The following ELOC variants were observed in gnomAD, a reference collection of about 807,000 sequenced individuals.
ELOC encodes the protein elongin-C.
For synonymous variants in ELOC, 40 were observed against 51.3 expected, an observed-to-expected ratio of 0.78 and a Z score of 0.94; for missense variants, 38 against 139.0, an observed-to-expected ratio of 0.27 and a Z score of 3.65.
At chr8:73,971,032 C>CAAAAAAAAAAAAAA (rs67188912) in intron 1 of ELOC, among the ~76,000 whole-genome samples, 18 of 61,986 alleles carry the variant, frequency 2.9e-4, no homozygotes, top group Non-Finnish European at 4.2e-4. Context: ...GACTCCGTCT[C>CAAAAAAAAAAAAAA]AAAAAAAAAA....
intron 1 of ELOC, among the ~76,000 whole-genome samples, chr8:73,963,523 C>A (rs1430811988): frequency 6.6e-6 from 1 of 152,114 alleles, no homozygotes. Flanking sequence ...TTTTGCATCC[C>A]GTCATTTTTT....
intron 1 of ELOC, among the ~76,000 whole-genome samples, chr8:73,963,668 A>G (rs1814760209): frequency 6.6e-6 from 1 of 152,238 alleles, no homozygotes; most frequent in Admixed American, 6.5e-5. Flanking sequence ...CTTGGATAAA[A>G]TAAGGTTAGA....
At chr8:73,958,433 T>C (rs1563679571) in intron 2 of ELOC, among the ~76,000 whole-genome samples, 2 of 152,164 alleles carry the variant, frequency 1.3e-5, no homozygotes, top group African/African-American at 4.8e-5. Context: ...TTGCCAACTC[T>C]ACAATATGAA....
intron 3 of ELOC, among the ~76,000 whole-genome samples, chr8:73,951,914 C>T (rs1011430189): frequency 1.3e-5 from 2 of 152,128 alleles, no homozygotes; most frequent in East Asian, 3.9e-4. Flanking sequence ...AACAAGGGTG[C>T]TATGGGGAAA....
At chr8:73,949,731 T>A (rs535458815) in intron 3 of ELOC, among the ~76,000 whole-genome samples, 3 of 152,336 alleles carry the variant, frequency 2.0e-5, no homozygotes, top group African/African-American at 4.8e-5. Context: ...CTATCAGTAC[T>A]TCACTCCTTT....
At chr8:73,964,723 T>A (rs1814850923) in intron 1 of ELOC, 1 of 152,024 alleles carries the variant, frequency 6.6e-6, no homozygotes, top group Non-Finnish European at 1.5e-5. Flanking sequence ...AAACAAAACT[T>A]CTGTTCATCA....
At chr8:73,948,539 C>T (rs754086877) in intron 3 of ELOC, among the ~76,000 whole-genome samples, 50 of 152,138 alleles carry the variant, frequency 3.3e-4, no homozygotes, top group Non-Finnish European at 1.8e-4. Flanking sequence ...CACTGCACTC[C>T]AACCTGGGTG....
chr8:73,963,315 A>C (rs960218719), intron 1 of ELOC, among the ~76,000 whole-genome samples: 7 of 152,174 alleles, frequency 4.6e-5, no homozygotes, highest in Admixed American at 4.6e-4. Context: ...ATCATATTCT[A>C]TATTGCTACA....
At chr8:73,970,781 G>C (rs541342046) in intron 1 of ELOC, 107 of 151,876 alleles carry the variant, frequency 7.0e-4, no homozygotes, top group African/African-American at 2.5e-3. Context: ...AGCTCTTTGG[G>C]AGGTGGAGGC....
chr8:73,946,539 C>T lies in ELOC; in HGVS notation c.*91G>A. On this transcript the variant is annotated 3_prime_UTR_variant, in exon 4 of 4. Transcript: ENST00000520242. ...GAACTTTATATAGTTCAACTGCATA[C>T]AGGCAACATGCTATATATGAAAAAG... The T allele has an allele frequency of 2.0e-6, 2 of 997,906 alleles. No individual in the cohort carries two copies. Among genetic ancestry groups the T allele is most frequent in the Non-Finnish European group, 2.9e-6 (2 of 699,994 alleles). The allele number at this position is 997,906 out of a possible 1,614,324, so 61.8% of individuals were successfully genotyped here. A position where few individuals can be genotyped will look rare whatever the true frequency, so the allele number is the denominator to read the frequency against.
intron 1 of ELOC, among the ~76,000 whole-genome samples, chr8:73,962,150 C>T (rs1427427141): frequency 6.6e-6 from 1 of 152,208 alleles, no homozygotes; most frequent in Non-Finnish European, 1.5e-5. Flanking sequence ...CCCAACTCAG[C>T]CTCCCAAAGT....
chr8:73,971,573 G>A (rs547037106), intron 1 of ELOC, among the ~76,000 whole-genome samples: 13 of 152,010 alleles, frequency 8.6e-5, no homozygotes, highest in Non-Finnish European at 1.3e-4. Context: ...TTTCAGACAA[G>A]ACTGGACGGC....
chr8:73,968,057 C>T (rs1815110327), intron 1 of ELOC, among the ~76,000 whole-genome samples: 1 of 152,192 alleles, frequency 6.6e-6, no homozygotes, highest in African/African-American at 2.4e-5. Flanking sequence ...CAGCTTTCAT[C>T]TCTTATCATA....
intron 1 of ELOC, among the ~76,000 whole-genome samples, chr8:73,967,610 G>A (rs912694517): frequency 1.3e-5 from 2 of 151,920 alleles, no homozygotes; most frequent in Non-Finnish European, 2.9e-5. Flanking sequence ...TGGGATTACA[G>A]GCATGCATCA....
In ELOC at chr8:73,945,699, TATA is replaced by T. The variant is rs1813340452; in HGVS notation, c.*928_*930del. On this transcript the variant is annotated 3_prime_UTR_variant, in exon 4 of 4. Coordinates refer to ENST00000520242, the MANE Select transcript of ELOC (RefSeq NM_005648.4). The stretch of plus-strand genomic sequence containing the variant: ...TTCATGTAGGATATCTTCAATGCAT[TATA>T]ATATGATTTTCACTGTATCTCTTCA... 1 of 152,200 alleles carries T rather than the reference TATA, an allele frequency of 6.6e-6. No individual in the cohort carries two copies. The allele number at this position is 152,200 out of a possible 1,614,324, so 9.4% of individuals were successfully genotyped here.
At chr8:73,971,241 A>T (rs1399886455) in intron 1 of ELOC, among the ~76,000 whole-genome samples, 2 of 151,976 alleles carry the variant, frequency 1.3e-5, no homozygotes, top group Non-Finnish European at 2.9e-5. Context: ...CCCCGTCTCT[A>T]CTAATAATAG....
At chr8:73,961,387 AAAT>A (rs1289110528) in intron 1 of ELOC, among the ~76,000 whole-genome samples, 1 of 152,234 alleles carries the variant, frequency 6.6e-6, no homozygotes, top group Non-Finnish European at 1.5e-5. Context: ...CCTCAGGTTT[AAAT>A]AATGTCATCC....
chr8:73,968,615 T>C (rs1318155264), intron 1 of ELOC, among the ~76,000 whole-genome samples: 68 of 152,260 alleles, frequency 4.5e-4, no homozygotes, highest in Non-Finnish European at 8.8e-5. Flanking sequence ...TCAGCATTCC[T>C]GTGTTTATAT....
In ELOC at chr8:73,969,953, A is replaced by C. The variant is rs554071206; in HGVS notation, c.-51+2124T>G. Among the ~76,000 whole-genome samples the C allele has an allele frequency of 8.3e-4, 126 of 152,308 alleles. 1 individual carries two copies. The South Asian group carries it at 0.01, about 13-fold the overall frequency. ...CTCTTACTTAATAACAACAATAAAG[A>C]ATTTAGGACAGCAGTTTAGCTGAAA... On this transcript the variant is annotated intron_variant, in intron 1 of 3. Transcript: ENST00000520242.
Sources: allele counts gnomAD v4.1 joint callset (sites outside exome capture counted in the v4.1 genomes callset), GRCh38; gene constraint gnomAD v4.1.1; transcripts MANE v1.5; gene names NCBI Gene and HGNC (gene_info 2026-07-23, HGNC 2026-07-21).